PARD3: variants seen among roughly 807,000 people sequenced by gnomAD.
PARD3 encodes partitioning defective 3 homolog.
In PARD3, 75 loss-of-function variants were observed where a neutral mutation model predicts 155.4. That is an observed-to-expected ratio of 0.48 (90% CI 0.40 to 0.58). The LOEUF (loss-of-function observed/expected upper bound fraction) is 0.58. PARD3 is among the 20% of genes least tolerant of loss of function. The probability of loss-of-function intolerance (pLI) is 0.00; values close to 1 mark genes in which losing one functional copy is unlikely to be tolerated. For synonymous variants in PARD3, 576 were observed against 610.5 expected, an observed-to-expected ratio of 0.94 and a Z score of 0.83; for missense variants, 1,642 against 1,721.7, an observed-to-expected ratio of 0.95 and a Z score of 0.82.
At position 34,470,243 on chromosome 10, in the gene PARD3, G is replaced by A. The variant is rs757258070; in HGVS notation, c.424C>T (p.Arg142Cys). Residue 142 changes from arginine (R) to cysteine (C), a missense_variant, in exon 4 of 25, where the codon CGC becomes TGC. Coordinates refer to ENST00000374788, the MANE Select transcript of PARD3 (RefSeq NM_001184785.2). ...CCAATTAGAGCTGGGTCACTACTGC[G>A]TCGAACATGAAGAGGCATATCTGTA... ...LRANMPLHVR[R>C]SSDPALIGLS... 1.2e-5 allele frequency: 19 copies of A among 1,605,906 alleles called. No homozygotes were observed. The highest frequency in any genetic ancestry group is 1.7e-5 in the Admixed American group (1 of 58,952).
chr10:34,752,441 CACT>C (rs1414644742), intron 1 of PARD3, among the ~76,000 whole-genome samples: 1 of 151,776 alleles, frequency 6.6e-6, no homozygotes, highest in Non-Finnish European at 1.5e-5. Context: ...CTGACTACTG[CACT>C]ACTAACACAG....
chr10:34,554,261 TC>T (rs1053593962), intron 2 of PARD3, among the ~76,000 whole-genome samples: 3 of 152,218 alleles, frequency 2.0e-5, no homozygotes, highest in Non-Finnish European at 4.4e-5. Context: ...AACATGTAGA[TC>T]CTGTTTAAAA....
At chr10:34,566,019 G>A (rs1003350121) in intron 2 of PARD3, among the ~76,000 whole-genome samples, 3 of 152,180 alleles carry the variant, frequency 2.0e-5, no homozygotes, top group Admixed American at 2.0e-4. Context: ...ATCGATCCTG[G>A]AGCCACCCCA....
At chr10:34,439,681 G>A (rs1004580964) in intron 5 of PARD3, among the ~76,000 whole-genome samples, 2 of 151,744 alleles carry the variant, frequency 1.3e-5, no homozygotes, top group Non-Finnish European at 2.9e-5. Flanking sequence ...GGTCTCAAAC[G>A]CCTGACCTCA....
chr10:34,603,115 T>C (rs1564401638), intron 2 of PARD3, among the ~76,000 whole-genome samples: 1 of 152,124 alleles, frequency 6.6e-6, no homozygotes, highest in Non-Finnish European at 1.5e-5. Context: ...TGGACAGCTG[T>C]CAAAATTAAC....
chr10:34,728,928 A>G (rs1296590849), intron 1 of PARD3, among the ~76,000 whole-genome samples: 1 of 152,156 alleles, frequency 6.6e-6, no homozygotes, highest in Non-Finnish European at 1.5e-5. Flanking sequence ...GTAATACCGT[A>G]TTTCTACTGT....
At chr10:34,777,491 C>T (rs74134415) in intron 1 of PARD3, among the ~76,000 whole-genome samples, 3,836 of 152,252 alleles carry the variant, frequency 0.025, 173 homozygotes, top group African/African-American at 0.086. Flanking sequence ...AGAGGGCATC[C>T]TCACAGTGCA....
Position 34,331,227 on chromosome 10 carries a change from G to A in PARD3, c.2723C>T (p.Pro908Leu). ...TLNGDIPFHR[P>L]RPRIIRGRGC... The stretch of plus-strand genomic sequence containing the variant: ...CCTGCCTCTGATTATCCGCGGCCGT[G>A]GACGATGGAAAGGAATATCCCCATT... Residue 908 changes from proline to leucine, a missense_variant, in exon 19 of 25, where the codon CCA becomes CTA. Physicochemically the swap from Pro to Leu is moderately conservative, Grantham distance 98. Transcript: ENST00000374788. The A allele has an allele frequency of 4.3e-6, 7 of 1,613,990 alleles. No individual in the cohort carries two copies. The highest frequency in any genetic ancestry group is 5.9e-6 in the Non-Finnish European group (7 of 1,179,980).
At chr10:34,168,444 T>C (rs535058394) in intron 22 of PARD3, among the ~76,000 whole-genome samples, 10 of 152,346 alleles carry the variant, frequency 6.6e-5, no homozygotes, top group Non-Finnish European at 1.3e-4. Flanking sequence ...TGATGAGTGA[T>C]GCCAACATGT....
At chr10:34,586,452 T>C (rs2088059218) in intron 2 of PARD3, among the ~76,000 whole-genome samples, 1 of 152,088 alleles carries the variant, frequency 6.6e-6, no homozygotes, top group African/African-American at 2.4e-5. Context: ...TGGAGATAGG[T>C]CTAAAGATGT....
At chr10:34,172,655 C>G (rs1284659493) in intron 22 of PARD3, among the ~76,000 whole-genome samples, 1 of 151,768 alleles carries the variant, frequency 6.6e-6, no homozygotes, top group Admixed American at 6.6e-5. Context: ...TATGTCACAA[C>G]TCACTGCACA....
chr10:34,519,576 G>A lies in PARD3; in HGVS notation c.223-2417C>T, dbSNP rs112360016. 2.4e-3 allele frequency among the ~76,000 whole-genome samples: 367 copies of A among 152,210 alleles called. 3 individuals are homozygous for A. The highest frequency in any genetic ancestry group is 8.1e-3 in the African/African-American group (338 of 41,526). On this transcript the variant is annotated intron_variant, in intron 2 of 24. Coordinates refer to ENST00000374788, the MANE Select transcript of PARD3 (RefSeq NM_001184785.2). ...CGCCTGTAATCCCAGCACTTTGGGAGGCCTAGGCGGGCGGATCATTTGAGT... is the reference window on the plus strand; with the variant it reads ...CGCCTGTAATCCCAGCACTTTGGGAAGCCTAGGCGGGCGGATCATTTGAGT...
chr10:34,502,133 G>C (rs2080756279), intron 3 of PARD3, among the ~76,000 whole-genome samples: 1 of 152,176 alleles, frequency 6.6e-6, no homozygotes, highest in Non-Finnish European at 1.5e-5. Context: ...TTGTTTATCA[G>C]CCACCCAGTC....
intron 22 of PARD3, among the ~76,000 whole-genome samples, chr10:34,209,523 G>A (rs1659549126): frequency 6.6e-6 from 1 of 152,130 alleles, no homozygotes; most frequent in African/African-American, 2.4e-5. Flanking sequence ...GTTGTGGGGG[G>A]CAGTCAAAAA....
chr10:34,482,057 C>T (rs1384763516), intron 3 of PARD3, among the ~76,000 whole-genome samples: 1 of 87,394 alleles, frequency 1.1e-5, no homozygotes, highest in East Asian at 2.6e-4. Flanking sequence ...TTTTTTGAAG[C>T]AGCATCTTAC....
intron 23 of PARD3, among the ~76,000 whole-genome samples, chr10:34,125,402 A>G (rs540660123): frequency 5.3e-5 from 8 of 152,166 alleles, no homozygotes; most frequent in Non-Finnish European, 8.8e-5. Flanking sequence ...TTTCCACCCA[A>G]CTAGAGCTAG....
chr10:34,486,012 C>T (rs898500307), intron 3 of PARD3, among the ~76,000 whole-genome samples: 1 of 142,582 alleles, frequency 7.0e-6, no homozygotes, highest in African/African-American at 2.6e-5. Context: ...CATCCTTGAA[C>T]TCCCAGGCTC....
At chr10:34,364,660 C>T (rs1289317975) in intron 12 of PARD3, among the ~76,000 whole-genome samples, 1 of 152,150 alleles carries the variant, frequency 6.6e-6, no homozygotes, top group Non-Finnish European at 1.5e-5. Context: ...TCTCAAACTC[C>T]TGGGCTCAAG....
At chr10:34,679,927 C>T (rs2093780147) in intron 2 of PARD3, among the ~76,000 whole-genome samples, 1 of 152,064 alleles carries the variant, frequency 6.6e-6, no homozygotes, top group Non-Finnish European at 1.5e-5. Flanking sequence ...ACACTGGAGA[C>T]TCCAAGAGGT....
Sources: allele counts gnomAD v4.1 joint callset (sites outside exome capture counted in the v4.1 genomes callset), GRCh38; gene constraint gnomAD v4.1.1; transcripts MANE v1.5; gene names NCBI Gene and HGNC (gene_info 2026-07-23, HGNC 2026-07-21).